Variants in HTT observed in about 807,000 individuals in gnomAD.
HTT encodes huntingtin.
HTT carries 104 observed loss-of-function variants against 362.3 expected under a neutral mutation model. The observed-to-expected ratio is 0.29, with a 90% CI of 0.24 to 0.34. The LOEUF is 0.34. Among genes scored for constraint, HTT ranks in the 10% least tolerant of loss-of-function variants. The probability of loss-of-function intolerance (pLI) is 1.00; values close to 1 mark genes in which losing one functional copy is unlikely to be tolerated. For missense variants in HTT, 3,301 were observed against 3,928.6 expected (o/e 0.84, Z 4.27); for synonymous variants, 1,577 against 1,548.7 (o/e 1.02, Z -0.43).
chr4:3,143,012 C>A, intron 23 of HTT, 126 bp downstream of exon 23: 1 of 645,172 alleles, frequency 1.5e-6, no homozygotes, highest in East Asian at 2.6e-5. Flanking sequence ...ATCCATGAGG[C>A]TTGCTAAGAA....
At chr4:3,076,576 G>GT (rs1477431604) in intron 1 of HTT, among the ~76,000 whole-genome samples, 5 of 152,348 alleles carry the variant, frequency 3.3e-5, no homozygotes, top group African/African-American at 1.2e-4. Context: ...TCTTCAGTAA[G>GT]TAATTTCTCA....
intron 65 of HTT, 31 bp from the exon 66 acceptor site, chr4:3,238,787 T>C: frequency 2.2e-6 from 3 of 1,377,648 alleles, no homozygotes; most frequent in Middle Eastern, 2.4e-4. Flanking sequence ...CCCCCAGCCC[T>C]GACACTCAGG....
chr4:3,154,762 C>T (rs958760602), intron 27 of HTT, among the ~76,000 whole-genome samples: 2 of 151,478 alleles, frequency 1.3e-5, no homozygotes, highest in Non-Finnish European at 2.9e-5. Context: ...GGTGTAGATG[C>T]TTAGGAATAG....
intron 29 of HTT, 34 bp downstream of exon 29, chr4:3,160,426 C>A (rs1484380489): frequency 7.3e-7 from 1 of 1,374,230 alleles, no homozygotes; most frequent in Non-Finnish European, 1.0e-6. Flanking sequence ...TGGGTTGTGG[C>A]TGGCACACTT....
intron 60 of HTT, among the ~76,000 whole-genome samples, chr4:3,232,118 C>T (rs974350793): frequency 1.4e-4 from 21 of 152,072 alleles, no homozygotes; most frequent in Admixed American, 1.3e-3. Context: ...TGGGGCCGTA[C>T]GCAGTCCTTA....
chr4:3,159,762 T>C (rs567297942), intron 28 of HTT, among the ~76,000 whole-genome samples: 9 of 152,368 alleles, frequency 5.9e-5, no homozygotes, highest in African/African-American at 2.2e-4. Flanking sequence ...CCTGACCCAT[T>C]CTCTGAGTCT....
At chr4:3,126,370 C>G (rs1041372644) in intron 11 of HTT, among the ~76,000 whole-genome samples, 2 of 152,028 alleles carry the variant, frequency 1.3e-5, no homozygotes, top group African/African-American at 4.8e-5. Context: ...AGATACTTAT[C>G]TAATGAAATT....
chr4:3,113,476 C>T (rs545172514), intron 6 of HTT, among the ~76,000 whole-genome samples: 14 of 152,200 alleles, frequency 9.2e-5, no homozygotes, highest in African/African-American at 2.4e-4. Flanking sequence ...ACTGCAGGTG[C>T]GTACCACCAT....
rs878890752 is a variant in HTT, at chr4:3,105,289, C to T, written c.529-68C>T. The T allele has an allele frequency of 9.7e-6, 10 of 1,029,742 alleles. 1 individual carries two copies. The highest frequency in any genetic ancestry group is 6.4e-5 in the African/African-American group (4 of 62,808). 63.8% of individuals were successfully genotyped at this position (1,029,742 alleles called of 1,614,324 possible). On this transcript the variant is annotated intron_variant, in intron 4 of 66. Transcript: ENST00000355072. ...AAAGTAACAAGGAAAGAAAATGCTT[C>T]GTTTCTATGCAACCCTCTTGGTGAC...
At chr4:3,103,940 A>T (rs574830251) in intron 4 of HTT, 57 bp downstream of exon 4, 1 of 1,028,006 alleles carries the variant, frequency 9.7e-7, no homozygotes, top group East Asian at 2.4e-5. Context: ...TTATAGGTAC[A>T]CGTATTTTGT....
chr4:3,179,604 C>CGT (rs910882012), intron 35 of HTT, among the ~76,000 whole-genome samples: 5 of 143,770 alleles, frequency 3.5e-5, no homozygotes, highest in East Asian at 2.1e-4. Flanking sequence ...TGTGTGTGTA[C>CGT]GTGTGTGTGT....
intron 41 of HTT, among the ~76,000 whole-genome samples, chr4:3,201,507 G>A (rs978153242): frequency 7.1e-6 from 1 of 141,144 alleles, no homozygotes; most frequent in Non-Finnish European, 1.5e-5. Flanking sequence ...TCTAGCCTGG[G>A]TGACAGAGTG....
At chr4:3,075,202 CAG>C (rs1712453485) in intron 1 of HTT, 114 bp downstream of exon 1, 1 of 1,022,886 alleles carries the variant, frequency 9.8e-7, no homozygotes, top group Non-Finnish European at 1.2e-6. Context: ...CCCGCAGAGA[CAG>C]AGTGACCCAG....
In HTT at chr4:3,074,912, G is replaced by GT; in HGVS notation, c.87_88insT (p.Gln30SerfsTer53). 6.7e-7 allele frequency: 1 copy of GT among 1,496,832 alleles called. No individual in the cohort carries two copies. Among genetic ancestry groups the GT allele is most frequent in the Non-Finnish European group, 8.9e-7 (1 of 1,127,890 alleles). The allele number at this position is 1,496,832 out of a possible 1,614,324, so 92.7% of individuals were successfully genotyped here. ...AGCAGCAGCAGCAGCAGCAGCAGCA[G>GT]CAGCAGCAGCAGCAGCAGCAGCAAC... On this transcript the variant is annotated frameshift_variant, in exon 1 of 67. Transcript: ENST00000355072. LOFTEE classifies it high-confidence loss of function.
Position 3,075,009 on chromosome 4 carries a change from C to T in HTT, c.184C>T (p.Leu62=). ...GCCGCCGCCGCAGGCACAGCCGCTG[C>T]TGCCTCAGCCGCAGCCGCCCCCGCC... ...PQPPPQAQPL[L]PQPQPPPPPP... Residue 62 remains leucine, a synonymous_variant, in exon 1 of 67, where the codon CTG becomes TTG. Transcript: ENST00000355072. 1 of 1,327,540 alleles carries T rather than the reference C, an allele frequency of 7.5e-7. No individual in the cohort carries two copies. The highest frequency in any genetic ancestry group is 9.6e-7 in the Non-Finnish European group (1 of 1,041,084). The allele number at this position is 1,327,540 out of a possible 1,614,324, so 82.2% of individuals were successfully genotyped here.
chr4:3,118,556 G>A (rs545999431), intron 8 of HTT, among the ~76,000 whole-genome samples: 3 of 152,230 alleles, frequency 2.0e-5, no homozygotes, highest in South Asian at 2.1e-4. Context: ...CACAGCACAC[G>A]AGTGTGGGTG....
intron 26 of HTT, among the ~76,000 whole-genome samples, chr4:3,149,294 CTT>C (rs1029468563): frequency 1.4e-4 from 18 of 130,850 alleles, no homozygotes; most frequent in East Asian, 2.2e-4. Flanking sequence ...AGTTCACATA[CTT>C]TTTTTTTTTT....
rs2110272046 is a variant in HTT, at chr4:3,208,878, G to C, written c.6258G>C (p.Gly2086=). 6.2e-7 allele frequency: 1 copy of C among 1,613,738 alleles called. No individual in the cohort carries two copies. Among genetic ancestry groups the C allele is most frequent in the Non-Finnish European group, 8.5e-7 (1 of 1,179,896 alleles). ...CTTCCCACCCGCTGGACGGGGATGG[G>C]CACGTGTCACTGGAAACAGTGAGTC... ...PVSSHPLDGD[G]HVSLETVSPD... Residue 2086 remains glycine, a synonymous_variant, in exon 46 of 67, where the codon GGG becomes GGC. Transcript: ENST00000355072.
At chr4:3,178,811 C>G (rs956167158) in intron 35 of HTT, among the ~76,000 whole-genome samples, 10 of 152,300 alleles carry the variant, frequency 6.6e-5, no homozygotes, top group Middle Eastern at 3.4e-3. Flanking sequence ...TTAAATCGAA[C>G]TTGCCGTGAA....
Sources: allele counts gnomAD v4.1 joint callset (sites outside exome capture counted in the v4.1 genomes callset), GRCh38; gene constraint gnomAD v4.1.1; transcripts MANE v1.5; gene names NCBI Gene and HGNC (gene_info 2026-07-23, HGNC 2026-07-21).